The following RBMS3 variants were observed in gnomAD, a reference collection of about 807,000 sequenced individuals.
RBMS3 encodes the protein RNA-binding motif, single-stranded-interacting protein 3.
In RBMS3, 27 loss-of-function variants were observed where a neutral mutation model predicts 66.8. That is an observed-to-expected ratio of 0.40 (90% confidence interval 0.30 to 0.56). The LOEUF (loss-of-function observed/expected upper bound fraction) is 0.56, where lower values mean the gene tolerates loss of function less well. Ranked by LOEUF, RBMS3 falls within the 20% of genes least tolerant of loss-of-function variation. RBMS3 has a pLI of 0.40. For missense variants in RBMS3, 513 were observed against 549.5 expected (o/e 0.93, Z 0.66); for synonymous variants, 188 against 183.0 (o/e 1.03, Z -0.22).
At chr3:29,335,754 G>A (rs2035910040) in intron 1 of RBMS3, among the ~76,000 whole-genome samples, 1 of 152,162 alleles carries the variant, frequency 6.6e-6, no homozygotes, top group Admixed American at 6.6e-5. Context: ...AGGAACAGGG[G>A]TCAGCCTGAA....
At chr3:29,600,707 C>T (rs2048113943) in intron 4 of RBMS3, among the ~76,000 whole-genome samples, 1 of 152,034 alleles carries the variant, frequency 6.6e-6, no homozygotes, top group African/African-American at 2.4e-5. Context: ...AGTGTAGTAG[C>T]TTGAAAATTA....
At chr3:29,899,859 T>C (rs924988936) in intron 10 of RBMS3, 104 bp downstream of exon 10, 1 of 1,110,508 alleles carries the variant, frequency 9.0e-7, no homozygotes, top group Non-Finnish European at 1.3e-6. Context: ...AATATGTAAC[T>C]CGTTCAGGCA....
intron 4 of RBMS3, among the ~76,000 whole-genome samples, chr3:29,734,112 G>A (rs1020814250): frequency 5.3e-5 from 8 of 152,034 alleles, no homozygotes; most frequent in Non-Finnish European, 1.2e-4. Flanking sequence ...GAGCCTGGAG[G>A]ATATTATGTT....
intron 1 of RBMS3, among the ~76,000 whole-genome samples, chr3:29,373,669 T>C (rs1204688086): frequency 6.6e-6 from 1 of 152,182 alleles, no homozygotes. Context: ...TAGCAAGTAA[T>C]TGAGCCTTGA....
At chr3:29,517,317 A>G (rs1302419016) in intron 3 of RBMS3, among the ~76,000 whole-genome samples, 1 of 129,136 alleles carries the variant, frequency 7.7e-6, no homozygotes, top group Admixed American at 8.1e-5. Context: ...GTATATATAT[A>G]TATTTTTTTT....
At chr3:29,438,031 TCTCTCTCTC>T (rs1559361471) in intron 2 of RBMS3, among the ~76,000 whole-genome samples, 1 of 130,842 alleles carries the variant, frequency 7.6e-6, no homozygotes, top group African/African-American at 3.4e-5. Flanking sequence ...TGCTTGTTTC[TCTCTCTCTC>T]TCTCTCTCTC....
At chr3:29,716,070 T>C (rs544467277) in intron 4 of RBMS3, among the ~76,000 whole-genome samples, 48 of 152,234 alleles carry the variant, frequency 3.2e-4, no homozygotes, top group Non-Finnish European at 4.9e-4. Context: ...TGGCAAAGAT[T>C]AAGAAGATGG....
In RBMS3 at chr3:29,883,514, A is replaced by G. The variant is rs567444193; in HGVS notation, c.745-648A>G. On this transcript the variant is annotated intron_variant, in intron 7 of 14. Coordinates refer to ENST00000383767, the MANE Select transcript of RBMS3 (RefSeq NM_001003793.3). ...TTCTTTTCAGAAACTATATCCAGTT[A>G]TAGAGAAGTGTACTTTTTCAGAGGT... is the stretch of plus-strand genomic sequence containing the variant. 2.6e-5 allele frequency among the ~76,000 whole-genome samples: 4 copies of G among 152,206 alleles called. No individual in the cohort carries two copies. In the East Asian group the frequency reaches 7.8e-4, roughly 30 times the overall value.
intron 4 of RBMS3, among the ~76,000 whole-genome samples, chr3:29,726,473 G>A (rs570646695): frequency 4.3e-4 from 65 of 152,184 alleles, no homozygotes; most frequent in African/African-American, 1.3e-3. Context: ...TTGTCTCAGC[G>A]CAAAAACTCC....
intron 12 of RBMS3, among the ~76,000 whole-genome samples, chr3:29,960,684 C>T (rs1348786519): frequency 6.6e-6 from 1 of 152,170 alleles, no homozygotes; most frequent in Admixed American, 6.6e-5. Flanking sequence ...GATTCTCAAA[C>T]CTCAATTCTT....
chr3:29,346,964 T>C (rs147164059), intron 1 of RBMS3, among the ~76,000 whole-genome samples: 1 of 152,190 alleles, frequency 6.6e-6, no homozygotes, highest in Non-Finnish European at 1.5e-5. Context: ...CTAAAAGCAC[T>C]ATGAAAAACA....
chr3:29,834,657 A>G (rs2058460130), intron 6 of RBMS3, among the ~76,000 whole-genome samples: 1 of 152,042 alleles, frequency 6.6e-6, no homozygotes, highest in African/African-American at 2.4e-5. Context: ...AGAGAAATAA[A>G]TCAAAGCGTA....
At chr3:29,634,524 A>G (rs2049405034) in intron 4 of RBMS3, among the ~76,000 whole-genome samples, 1 of 151,874 alleles carries the variant, frequency 6.6e-6, no homozygotes, top group South Asian at 2.1e-4. Flanking sequence ...AAGTAGGTAA[A>G]TAAATGCCCC....
At chr3:29,802,243 C>T (rs1050725808) in intron 6 of RBMS3, among the ~76,000 whole-genome samples, 2 of 152,168 alleles carry the variant, frequency 1.3e-5, no homozygotes, top group Non-Finnish European at 2.9e-5. Context: ...TATTTGCTCA[C>T]GTACTGCTAT....
intron 3 of RBMS3, among the ~76,000 whole-genome samples, chr3:29,577,459 G>C (rs1482534205): frequency 6.6e-6 from 1 of 152,138 alleles, no homozygotes; most frequent in Non-Finnish European, 1.5e-5. Context: ...CTGGCTCTGA[G>C]CCCAGTCCAG....
rs1020131210 is a variant in RBMS3 at position 30,007,770 on chromosome 3, T to C, written c.*3908T>C. ...TGACTCTAGTTTTGCGAGGATTAGT[T>C]TGTTTCCTTGGTAGATTTCAACATT... On this transcript the variant is annotated 3_prime_UTR_variant, in exon 15 of 15. Transcript: ENST00000383767. 1.3e-5 allele frequency: 2 copies of C among 152,072 alleles called. No homozygotes were observed. The highest frequency in any genetic ancestry group is 2.4e-5 in the African/African-American group (1 of 41,438). The allele number at this position is 152,072 out of a possible 1,614,324, so 9.4% of individuals were successfully genotyped here.
At chr3:29,477,647 G>T (rs762364239) in intron 2 of RBMS3, among the ~76,000 whole-genome samples, 1 of 151,308 alleles carries the variant, frequency 6.6e-6, no homozygotes, top group Non-Finnish European at 1.5e-5. Context: ...AAATCCTATT[G>T]GATCATAACC....
chr3:29,447,952 G>A (rs1481917761), intron 2 of RBMS3, among the ~76,000 whole-genome samples: 1 of 152,004 alleles, frequency 6.6e-6, no homozygotes, highest in Non-Finnish European at 1.5e-5. Context: ...AACATTATTC[G>A]TTTACCTGCA....
At chr3:29,820,765 A>G (rs953070652) in intron 6 of RBMS3, among the ~76,000 whole-genome samples, 3 of 152,164 alleles carry the variant, frequency 2.0e-5, no homozygotes, top group African/African-American at 7.2e-5. Flanking sequence ...TTCCAAGAAT[A>G]CAAGAAAGTC....
Sources: gnomAD v4.1 joint callset for allele counts (sites outside exome capture counted in the v4.1 genomes callset) on GRCh38, gnomAD v4.1.1 for gene constraint, MANE v1.5 for transcripts, NCBI Gene and HGNC (gene_info 2026-07-23, HGNC 2026-07-21) for gene names.